SLC9A7: variants seen among roughly 807,000 people sequenced by gnomAD.
SLC9A7 encodes the protein sodium/hydrogen exchanger 7.
SLC9A7 carries 19 observed loss-of-function variants against 52.6 expected under a neutral mutation model. That is an observed-to-expected ratio of 0.36 (90% CI 0.25 to 0.53). The LOEUF is 0.53. Ranked by LOEUF, SLC9A7 falls within the 20% of genes least tolerant of loss-of-function variation. The probability of loss-of-function intolerance (pLI) is 0.91; values close to 1 mark genes in which losing one functional copy is unlikely to be tolerated. For synonymous variants in SLC9A7, 226 were observed against 252.1 expected, an observed-to-expected ratio of 0.90 and a Z score of 0.98; for missense variants, 455 against 597.9, an observed-to-expected ratio of 0.76 and a Z score of 2.49.
At chrX:46,652,004 C>T (rs1352105757) in intron 8 of SLC9A7, among the ~76,000 whole-genome samples, 3 of 110,147 alleles carry the variant, frequency 2.7e-5, no homozygotes, top group African/African-American at 9.9e-5. Context: ...TCTCCTGCCT[C>T]CTCTAAACTC....
chrX:46,602,051 TA>T lies in SLC9A7; in HGVS notation c.*4900del, dbSNP rs60425856. On this transcript the variant is annotated 3_prime_UTR_variant, in exon 17 of 17. Transcript: ENST00000616978. ...CTATTAATTTAATTCCAGGTGAAAT[TA>T]AAAAAAAAAAACAAAACAGCTTCCC... The T allele has an allele frequency of 0.28, 28,451 of 101,566 alleles. 3,264 individuals are homozygous for T. Among genetic ancestry groups the T allele is most frequent in the Middle Eastern group, 0.42 (80 of 190 alleles). 8.4% of individuals were successfully genotyped at this position (101,566 alleles called of 1,213,427 possible). A position where few individuals can be genotyped will look rare whatever the true frequency, so the allele number is the denominator to read the frequency against.
At chrX:46,708,121 GT>G (rs1944632189) in intron 1 of SLC9A7, among the ~76,000 whole-genome samples, 1 of 112,158 alleles carries the variant, frequency 8.9e-6, no homozygotes, top group African/African-American at 3.2e-5. Flanking sequence ...ACCAGCCTGG[GT>G]AACATAACAA....
intron 1 of SLC9A7, among the ~76,000 whole-genome samples, chrX:46,745,775 T>C (rs1261752080): frequency 2.8e-5 from 3 of 105,506 alleles, no homozygotes; most frequent in African/African-American, 1.0e-4. Context: ...AGCCCAGGAG[T>C]TCAAGGTTAT....
At chrX:46,672,457 C>G (rs754323900) in intron 4 of SLC9A7, 94 bp downstream of exon 4, 29 of 650,923 alleles carry the variant, frequency 4.5e-5, no homozygotes, top group Non-Finnish European at 7.1e-5. Context: ...CTGCCATCAT[C>G]AAAAATATCA....
At chrX:46,739,160 T>C (rs1461840282) in intron 1 of SLC9A7, among the ~76,000 whole-genome samples, 1 of 111,710 alleles carries the variant, frequency 9.0e-6, no homozygotes, top group African/African-American at 3.3e-5. Flanking sequence ...TTTGTCATAA[T>C]TACCTCATCC....
At position 46,758,878 on chromosome X, in the gene SLC9A7, C is replaced by G; in HGVS notation, c.152G>C (p.Ser51Thr). 5 of 1,190,397 alleles carry G rather than the reference C, an allele frequency of 4.2e-6. No homozygotes were observed. The highest frequency in any genetic ancestry group is 5.6e-6 in the Non-Finnish European group (5 of 886,142). The change falls in exon 1 of 17, where the codon AGC (serine) becomes ACC (threonine). Residue 51 changes from serine (S) to threonine (T), a missense_variant. This residue lies in a region of SLC9A7 where 304 missense variants were observed against 417.8 expected (regional missense o/e 0.73). Coordinates refer to ENST00000616978, the MANE Select transcript of SLC9A7 (RefSeq NM_001257291.2). ...AGTAGCGAGCTCCTCCATGGCGCTG[C>G]TGTCCTCCGCCGCCGCCCCAGAGGA... Reference protein sequence around the residue: ...ASSSGAAAEDSSAMEELATEK... With the variant: ...ASSSGAAAEDTSAMEELATEK...
rs374713293 is a variant in SLC9A7, at chrX:46,709,152, C to G, written c.326-26617G>C. Among the ~76,000 whole-genome samples the G allele has an allele frequency of 2.7e-5, 3 of 111,460 alleles. No homozygotes were observed. In the East Asian group the frequency reaches 8.5e-4, roughly 31 times the overall value. ...CTCGTGGTGACACATGCCTGTCATC[C>G]CAGCTACTTAGGAGGCTAAGGCAGG... is the stretch of plus-strand genomic sequence containing the variant. On this transcript the variant is annotated intron_variant, in intron 1 of 16. Coordinates refer to ENST00000616978, the MANE Select transcript of SLC9A7 (RefSeq NM_001257291.2).
intron 5 of SLC9A7, among the ~76,000 whole-genome samples, chrX:46,667,634 G>C (rs1047633655): frequency 7.2e-5 from 8 of 111,820 alleles, no homozygotes; most frequent in Non-Finnish European, 1.1e-4. Flanking sequence ...AGATAGCACT[G>C]ATGGAGAGGA....
chrX:46,644,736 A>G (rs937342349), intron 11 of SLC9A7, among the ~76,000 whole-genome samples: 1 of 112,075 alleles, frequency 8.9e-6, no homozygotes, highest in African/African-American at 3.2e-5. Flanking sequence ...GAGAGAATGA[A>G]AACTTAGACC....
chrX:46,662,916 T>A (rs138824160), intron 5 of SLC9A7, among the ~76,000 whole-genome samples: 1 of 112,714 alleles, frequency 8.9e-6, no homozygotes, highest in Non-Finnish European at 1.9e-5. Context: ...AAAGTATCTG[T>A]TACAGAACTT....
chrX:46,613,449 A>T (rs951271758), intron 15 of SLC9A7, 55 bp from the exon 16 acceptor site: 1 of 909,784 alleles, frequency 1.1e-6, no homozygotes, highest in Non-Finnish European at 1.5e-6. Context: ...TACACAACAA[A>T]ATGTGCTTAA....
Position 46,599,743 on chromosome X carries a change from G to A in SLC9A7, c.*7209C>T, listed in dbSNP as rs1942631458. 2 of 111,453 alleles carry A rather than the reference G, an allele frequency of 1.8e-5. No individual in the cohort carries two copies. The highest frequency in any genetic ancestry group is 3.7e-4 in the South Asian group (1 of 2,677). The allele number at this position is 111,453 out of a possible 1,213,427, so 9.2% of individuals were successfully genotyped here. ...ATACTTTAATGTCATTTTATATAAC[G>A]TTTATTTATATAACATACTATAATG... On this transcript the variant is annotated 3_prime_UTR_variant, in exon 17 of 17. Transcript: ENST00000616978.
At chrX:46,756,509 G>A (rs1922677649) in intron 1 of SLC9A7, among the ~76,000 whole-genome samples, 1 of 111,630 alleles carries the variant, frequency 9.0e-6, no homozygotes, top group African/African-American at 3.3e-5. Flanking sequence ...CATCCCAATA[G>A]TCTTCAGTAT....
At chrX:46,624,262 T>A (rs1943089334) in intron 14 of SLC9A7, among the ~76,000 whole-genome samples, 1 of 111,974 alleles carries the variant, frequency 8.9e-6, no homozygotes, top group Non-Finnish European at 1.9e-5. Flanking sequence ...CAGTCTGAAG[T>A]ACAGGTCACG....
chrX:46,746,857 A>G (rs1921822344), intron 1 of SLC9A7, among the ~76,000 whole-genome samples: 1 of 112,807 alleles, frequency 8.9e-6, no homozygotes, highest in Non-Finnish European at 1.9e-5. Flanking sequence ...TTGTTGCAGC[A>G]TTGTTCACAA....
chrX:46,700,547 C>T (rs1226831159), intron 1 of SLC9A7, among the ~76,000 whole-genome samples: 3 of 112,210 alleles, frequency 2.7e-5, no homozygotes, highest in Non-Finnish European at 5.6e-5. Flanking sequence ...TTCTCTCCTC[C>T]GTAACTATCT....
chrX:46,637,417 T>C (rs965899356), intron 12 of SLC9A7, among the ~76,000 whole-genome samples: 1 of 112,865 alleles, frequency 8.9e-6, no homozygotes, highest in Admixed American at 9.3e-5. Flanking sequence ...CCTGCCTTTA[T>C]TCCTTATGTT....
intron 15 of SLC9A7, among the ~76,000 whole-genome samples, chrX:46,614,861 G>A (rs1447897491): frequency 8.9e-6 from 1 of 111,880 alleles, no homozygotes; most frequent in African/African-American, 3.3e-5. Context: ...AGATGCCACC[G>A]CCATCTGTAC....
intron 1 of SLC9A7, among the ~76,000 whole-genome samples, chrX:46,718,993 C>T (rs1253076095): frequency 1.8e-5 from 2 of 111,780 alleles, no homozygotes; most frequent in Non-Finnish European, 3.8e-5. Flanking sequence ...AAGACACATG[C>T]ACACATATGT....
Sources: allele counts gnomAD v4.1 joint callset (sites outside exome capture counted in the v4.1 genomes callset), GRCh38; gene constraint gnomAD v4.1.1; regional missense constraint gnomAD v4.1.1; transcripts MANE v1.5; gene names NCBI Gene and HGNC (gene_info 2026-07-23, HGNC 2026-07-21).